The following CMKLR1 variants were observed in gnomAD, a reference collection of about 807,000 sequenced individuals.
CMKLR1 encodes chemerin chemokine-like receptor 1, also known as chemerin-like receptor 1.
In CMKLR1, 6 loss-of-function variants were observed where a neutral mutation model predicts 8.2. The observed-to-expected ratio is 0.73, with a 90% CI of 0.40 to 1.44. The LOEUF (loss-of-function observed/expected upper bound fraction) is 1.44, where lower values mean the gene tolerates loss of function less well. CMKLR1 is among the 40% of genes most tolerant of loss of function. The probability of loss-of-function intolerance (pLI) is 0.02; values close to 1 mark genes in which losing one functional copy is unlikely to be tolerated. For missense variants in CMKLR1, 429 were observed against 478.0 expected, an observed-to-expected ratio of 0.90 and a Z score of 0.96; for synonymous variants, 178 against 181.2, an observed-to-expected ratio of 0.98 and a Z score of 0.14.
At chr12:108,299,681 C>G (rs543383663) in intron 2 of CMKLR1, among the ~76,000 whole-genome samples, 7 of 152,212 alleles carry the variant, frequency 4.6e-5, no homozygotes, top group Admixed American at 3.3e-4. Context: ...CACATGGACA[C>G]AGAACAGAAG....
Position 108,316,491 on chromosome 12 carries a change from A to G in CMKLR1, c.-74+13504T>C, listed in dbSNP as rs149681323. 3.8e-3 allele frequency among the ~76,000 whole-genome samples: 583 copies of G among 152,310 alleles called. 4 individuals carry two copies. The highest frequency in any genetic ancestry group is 6.7e-3 in the Non-Finnish European group (456 of 68,016). On this transcript the variant is annotated intron_variant, in intron 2 of 3. Coordinates refer to ENST00000550402, the MANE Select transcript of CMKLR1 (RefSeq NM_001142343.2). ...GACAGAGCGGTCAGGGCAAAGCAGCAAAGTGGCAGAAGAAAGACGAAGGCA... is the reference window on the plus strand; with the variant it reads ...GACAGAGCGGTCAGGGCAAAGCAGCGAAGTGGCAGAAGAAAGACGAAGGCA...
In CMKLR1 at chr12:108,292,069, C is replaced by A. The variant is rs1350861905; in HGVS notation, c.894G>T (p.Leu298Phe). 6 of 1,614,044 alleles carry A rather than the reference C, an allele frequency of 3.7e-6. No individual in the cohort carries two copies. The African/African-American group carries it at 8.0e-5, about 22-fold the overall frequency. Residue 298 changes from leucine to phenylalanine, a missense_variant, in exon 4 of 4, where the codon TTG (leucine) becomes TTT (phenylalanine). By Grantham distance (22) the Leu-to-Phe change is conservative (BLOSUM62 0). Transcript: ENST00000550402. ...AMPGSVFSLG[L>F]PLATALAIAN... ...CAATGGCAAGGGCAGTGGCCAGGGG[C>A]AAACCCAGGCTGAAGACAGAGCCAG... is the stretch of plus-strand genomic sequence containing the variant.
Position 108,291,823 on chromosome 12 carries a change from G to C in CMKLR1, c.*18C>G. 6.3e-7 allele frequency: 1 copy of C among 1,598,630 alleles called. No homozygotes were observed. Among genetic ancestry groups the C allele is most frequent in the Non-Finnish European group, 8.5e-7 (1 of 1,172,972 alleles). ...TCCCTGGGTTGAGAGAGTCCATTGA[G>C]GGGTTCCACAGTGAGGATCAAAGCA... On this transcript the variant is annotated 3_prime_UTR_variant, in exon 4 of 4. Transcript: ENST00000550402.
intron 2 of CMKLR1, among the ~76,000 whole-genome samples, chr12:108,295,178 G>A (rs899249537): frequency 6.6e-6 from 1 of 152,244 alleles, no homozygotes; most frequent in Admixed American, 6.5e-5. Flanking sequence ...GAGCTCTTGT[G>A]TATGCCAGGG....
intron 2 of CMKLR1, among the ~76,000 whole-genome samples, chr12:108,316,981 T>C (rs1891750897): frequency 6.6e-6 from 1 of 152,136 alleles, no homozygotes; most frequent in African/African-American, 2.4e-5. Flanking sequence ...TTTTTTGTAT[T>C]TTGTAGAGAT....
chr12:108,325,665 G>A (rs1891966235), intron 2 of CMKLR1, among the ~76,000 whole-genome samples: 1 of 152,140 alleles, frequency 6.6e-6, no homozygotes, highest in Non-Finnish European at 1.5e-5. Context: ...TACAGATGAG[G>A]AAACTGAGGC....
intron 2 of CMKLR1, among the ~76,000 whole-genome samples, chr12:108,305,653 A>C (rs1012918548): frequency 4.6e-5 from 7 of 152,092 alleles, no homozygotes; most frequent in Non-Finnish European, 8.8e-5. Flanking sequence ...TGGAAACCAC[A>C]CAGTGTCTGC....
At chr12:108,303,677 A>G (rs1488684141) in intron 2 of CMKLR1, among the ~76,000 whole-genome samples, 2 of 152,162 alleles carry the variant, frequency 1.3e-5, no homozygotes, top group Admixed American at 1.3e-4. Context: ...CTTTTGCCCC[A>G]GTGGAACCTC....
intron 2 of CMKLR1, among the ~76,000 whole-genome samples, chr12:108,306,076 T>C (rs1891398720): frequency 6.6e-6 from 1 of 152,210 alleles, no homozygotes; most frequent in Non-Finnish European, 1.5e-5. Flanking sequence ...TGTCTCCAGA[T>C]CCCTGTCTGT....
chr12:108,318,578 G>A (rs1891787309), intron 2 of CMKLR1, among the ~76,000 whole-genome samples: 1 of 152,230 alleles, frequency 6.6e-6, no homozygotes, highest in South Asian at 2.1e-4. Context: ...TATCCACAGT[G>A]TGAGGGAGAT....
At position 108,292,402 on chromosome 12, in the gene CMKLR1, T is replaced by C. The variant is rs185900141; in HGVS notation, c.561A>G (p.Ile187Met). Residue 187 changes from isoleucine (I) to methionine (M), a missense_variant, in exon 4 of 4, where the codon ATA becomes ATG. Transcript: ENST00000550402. Reference sequence around the variant, plus strand: ...ACAGGCTGAAGTTGTTGAAGCAGGATATTTTCCCATGCAGGTTGGCTGTGT... The same window carrying C: ...ACAGGCTGAAGTTGTTGAAGCAGGACATTTTCCCATGCAGGTTGGCTGTGT... ...FRDTANLHGK[I>M]SCFNNFSLST... 328 of 1,614,132 alleles carry C rather than the reference T, an allele frequency of 2.0e-4. 5 individuals carry two copies. In the East Asian group the frequency reaches 6.5e-3, roughly 32 times the overall value.
In CMKLR1 at chr12:108,295,919, G is replaced by A. The variant is rs55852017; in HGVS notation, c.-73-2255C>T. The stretch of plus-strand genomic sequence containing the variant: ...TTCATCTTAGAGCTGGGGCCAGGCT[G>A]GGCTGGCACAGAATGATGCTGACAT... On this transcript the variant is annotated intron_variant, in intron 2 of 3. Transcript: ENST00000550402. Among the ~76,000 whole-genome samples the A allele has an allele frequency of 6.5e-3, 990 of 152,288 alleles. 5 individuals carry two copies. The highest frequency in any genetic ancestry group is 9.4e-3 in the Non-Finnish European group (636 of 68,014).
At chr12:108,299,189 T>C (rs1891206275) in intron 2 of CMKLR1, among the ~76,000 whole-genome samples, 1 of 152,078 alleles carries the variant, frequency 6.6e-6, no homozygotes, top group African/African-American at 2.4e-5. Context: ...CACCAGGTGC[T>C]CCTCCCAGCT....
intron 1 of CMKLR1, among the ~76,000 whole-genome samples, chr12:108,337,899 A>G (rs1892266289): frequency 6.6e-6 from 1 of 152,216 alleles, no homozygotes; most frequent in African/African-American, 2.4e-5. Flanking sequence ...CTTACCTTCA[A>G]ACCAGTTTGG....
intron 3 of CMKLR1, 125 bp downstream of exon 3, chr12:108,293,464 G>C (rs543253379): frequency 9.8e-6 from 9 of 917,192 alleles, no homozygotes; most frequent in South Asian, 8.8e-5. Context: ...GGTACATGGT[G>C]CTGTGAACTT....
chr12:108,302,954 T>C (rs191025526), intron 2 of CMKLR1, among the ~76,000 whole-genome samples: 1 of 152,182 alleles, frequency 6.6e-6, no homozygotes, highest in African/African-American at 2.4e-5. Context: ...TATAATTATG[T>C]CAACCCTCCC....
intron 2 of CMKLR1, among the ~76,000 whole-genome samples, chr12:108,327,923 G>A (rs59464047): frequency 0.039 from 5,918 of 152,280 alleles, 380 homozygotes; most frequent in African/African-American, 0.13. Flanking sequence ...GAGGATGTCC[G>A]GGGTCCCAGC....
At chr12:108,335,966 G>A (rs969709919) in intron 1 of CMKLR1, among the ~76,000 whole-genome samples, 3 of 152,198 alleles carry the variant, frequency 2.0e-5, no homozygotes, top group Non-Finnish European at 4.4e-5. Flanking sequence ...ACAAAGTTTC[G>A]CTTCTTCTCT....
At chr12:108,334,240 A>G (rs893683874) in intron 1 of CMKLR1, among the ~76,000 whole-genome samples, 2 of 152,242 alleles carry the variant, frequency 1.3e-5, no homozygotes, top group South Asian at 2.1e-4. Context: ...ATAAAAGTAT[A>G]TGTTACAAGT....
Sources: allele counts gnomAD v4.1 joint callset (sites outside exome capture counted in the v4.1 genomes callset), GRCh38; gene constraint gnomAD v4.1.1; transcripts MANE v1.5; gene names NCBI Gene and HGNC (gene_info 2026-07-23, HGNC 2026-07-21).